Variants in LHFPL3 observed in about 807,000 individuals in gnomAD.
The protein encoded by LHFPL3 is LHFPL tetraspan subfamily member 3.
In LHFPL3, 5 loss-of-function variants were observed where a neutral mutation model predicts 19.3. The observed-to-expected ratio is 0.26, with a 90% CI of 0.14 to 0.54. The LOEUF is 0.54. Among genes scored for constraint, LHFPL3 ranks in the 20% least tolerant of loss-of-function variants. LHFPL3 has a pLI of 0.94. For missense variants in LHFPL3, 249 were observed against 307.4 expected, an observed-to-expected ratio of 0.81 and a Z score of 1.42; for synonymous variants, 133 against 126.2, an observed-to-expected ratio of 1.05 and a Z score of -0.36.
chr7:104,619,424 C>T (rs1791403561), intron 1 of LHFPL3, among the ~76,000 whole-genome samples: 1 of 151,984 alleles, frequency 6.6e-6, no homozygotes, highest in Admixed American at 6.6e-5. Context: ...ATTATAATCC[C>T]TTTTTCTTTT....
At chr7:104,891,822 A>G (rs1792251313) in intron 2 of LHFPL3, among the ~76,000 whole-genome samples, 1 of 152,240 alleles carries the variant, frequency 6.6e-6, no homozygotes, top group African/African-American at 2.4e-5. Context: ...GGCAACAAGA[A>G]TAATGAAAAG....
rs966022370 is a variant in LHFPL3, at chr7:104,607,498, C to A, written c.446-129177C>A. On this transcript the variant is annotated intron_variant, in intron 1 of 2. Coordinates refer to ENST00000424859, the MANE Select transcript of LHFPL3 (RefSeq NM_199000.3). Reference sequence around the variant, plus strand: ...GTCTACCAAAGGCTTTGCAAAGCCCCTTGTTTAATATTTCCTCTATAAGTC... The same window carrying A: ...GTCTACCAAAGGCTTTGCAAAGCCCATTGTTTAATATTTCCTCTATAAGTC... Among the ~76,000 whole-genome samples the A allele has an allele frequency of 2.0e-5, 3 of 152,174 alleles. No homozygotes were observed. In the East Asian group the frequency reaches 5.8e-4, roughly 29 times the overall value.
intron 2 of LHFPL3, among the ~76,000 whole-genome samples, chr7:104,888,114 T>TA (rs1324389400): frequency 6.6e-6 from 1 of 152,248 alleles, no homozygotes; most frequent in Non-Finnish European, 1.5e-5. Flanking sequence ...CATGTACACA[T>TA]ACATACATGC....
At chr7:104,881,288 C>G (rs1562824526) in intron 2 of LHFPL3, among the ~76,000 whole-genome samples, 1 of 151,912 alleles carries the variant, frequency 6.6e-6, no homozygotes, top group Non-Finnish European at 1.5e-5. Flanking sequence ...ATTCTTCAAT[C>G]TAGATGTCAT....
At chr7:104,355,977 A>G (rs576329820) in intron 1 of LHFPL3, among the ~76,000 whole-genome samples, 16 of 152,368 alleles carry the variant, frequency 1.1e-4, no homozygotes, top group African/African-American at 3.4e-4. Context: ...TTGATATAGT[A>G]CATTATACAG....
At chr7:104,614,128 C>G (rs563363007) in intron 1 of LHFPL3, among the ~76,000 whole-genome samples, 1 of 152,204 alleles carries the variant, frequency 6.6e-6, no homozygotes, top group South Asian at 2.1e-4. Context: ...AGTAAATCCT[C>G]TAAGAAAAGG....
chr7:104,668,592 C>G (rs1487748856), intron 1 of LHFPL3: 2 of 1,612,422 alleles, frequency 1.2e-6, no homozygotes, highest in Middle Eastern at 1.8e-4. Context: ...CAGTGGGTAT[C>G]GCAGGGATGA....
chr7:104,593,815 A>C (rs1790780625), intron 1 of LHFPL3, among the ~76,000 whole-genome samples: 1 of 151,978 alleles, frequency 6.6e-6, no homozygotes, highest in East Asian at 1.9e-4. Flanking sequence ...GTCTCTTTTG[A>C]ACCAACAAAG....
rs569132564 is a variant in LHFPL3, at chr7:104,870,833, C to T, written c.683-35354C>T. 2.6e-5 allele frequency among the ~76,000 whole-genome samples: 4 copies of T among 152,156 alleles called. No individual in the cohort carries two copies. In the South Asian group the frequency reaches 8.3e-4, roughly 32 times the overall value. ...AGGACGCAGCCACCCCAAAATCTGC[C>T]AGAGTAAAGGATGTATAGCATCCTC... On this transcript the variant is annotated intron_variant, in intron 2 of 2. Coordinates refer to ENST00000424859, the MANE Select transcript of LHFPL3 (RefSeq NM_199000.3).
intron 2 of LHFPL3, among the ~76,000 whole-genome samples, chr7:104,756,136 T>C (rs1461883683): frequency 6.6e-6 from 1 of 151,944 alleles, no homozygotes; most frequent in Non-Finnish European, 1.5e-5. Context: ...TTGGGGACAT[T>C]GAAAAACACA....
intron 2 of LHFPL3, among the ~76,000 whole-genome samples, chr7:104,873,785 CATG>C (rs1259983990): frequency 1.3e-5 from 2 of 152,206 alleles, no homozygotes; most frequent in Admixed American, 6.5e-5. Context: ...ACTGGCGTCT[CATG>C]ATGTTTGCCT....
At chr7:104,742,221 A>T (rs1432532926) in intron 2 of LHFPL3, among the ~76,000 whole-genome samples, 1 of 152,204 alleles carries the variant, frequency 6.6e-6, no homozygotes, top group African/African-American at 2.4e-5. Context: ...TTTCCTTGTC[A>T]GACACCATTC....
intron 2 of LHFPL3, among the ~76,000 whole-genome samples, chr7:104,864,487 A>G (rs1329493635): frequency 6.6e-6 from 1 of 152,180 alleles, no homozygotes; most frequent in Admixed American, 6.5e-5. Context: ...CCTGGCTTGG[A>G]GAGTCCTACG....
intron 2 of LHFPL3, chr7:104,803,915 AT>A (rs1790303946): frequency 6.6e-6 from 1 of 152,234 alleles, no homozygotes; most frequent in Non-Finnish European, 1.5e-5. Context: ...TGATAAATTA[AT>A]GTCAGGCTTC....
At chr7:104,805,604 G>C (rs1475863847) in intron 2 of LHFPL3, among the ~76,000 whole-genome samples, 1 of 152,160 alleles carries the variant, frequency 6.6e-6, no homozygotes, top group Non-Finnish European at 1.5e-5. Context: ...CAGCCCCATA[G>C]AGCCCAGACT....
In LHFPL3 at chr7:104,823,828, G is replaced by A. The variant is rs569550847; in HGVS notation, c.683-82359G>A. 5.9e-5 allele frequency among the ~76,000 whole-genome samples: 9 copies of A among 152,036 alleles called. No homozygotes were observed. The South Asian group carries it at 1.9e-3, about 32-fold the overall frequency. The stretch of plus-strand genomic sequence containing the variant: ...CTGGAAAAAAAGAGAAAGAGATATG[G>A]CTAATAAACTATTCAAAAAAGATTT... On this transcript the variant is annotated intron_variant, in intron 2 of 2. Coordinates refer to ENST00000424859, the MANE Select transcript of LHFPL3 (RefSeq NM_199000.3).
intron 2 of LHFPL3, among the ~76,000 whole-genome samples, chr7:104,850,057 G>C (rs10226913): frequency 0.32 from 48,893 of 152,070 alleles, 8,901 homozygotes; most frequent in East Asian, 0.55. Flanking sequence ...AATCCCAGCA[G>C]TTTGGGAGGC....
At chr7:104,670,249 A>G (rs774425906) in intron 1 of LHFPL3, among the ~76,000 whole-genome samples, 10 of 151,894 alleles carry the variant, frequency 6.6e-5, no homozygotes, top group South Asian at 2.1e-4. Context: ...GTTTGAAAGG[A>G]AGCTTTTGGG....
In LHFPL3 at chr7:104,429,301, C is replaced by CTTTTTT. The variant is rs71823474; in HGVS notation, c.445+100095_445+100100dup. ...ATTTCGGAATCTACCTATGTCATTC[C>CTTTTTT]TTTTTTTTTTTTTTTTTTTTTTTGA... is the stretch of plus-strand genomic sequence containing the variant. On this transcript the variant is annotated intron_variant, in intron 1 of 2. Coordinates refer to ENST00000424859, the MANE Select transcript of LHFPL3 (RefSeq NM_199000.3). Among the ~76,000 whole-genome samples the CTTTTTT allele has an allele frequency of 3.1e-4, 26 of 84,518 alleles. 1 individual carries two copies. Among genetic ancestry groups the CTTTTTT allele is most frequent in the East Asian group, 2.2e-3 (6 of 2,776 alleles). 55.4% of individuals were successfully genotyped at this position (84,518 alleles called of 152,430 possible). A position where few individuals can be genotyped will look rare whatever the true frequency, so the allele number is the denominator to read the frequency against.
Sources: allele counts gnomAD v4.1 joint callset (sites outside exome capture counted in the v4.1 genomes callset), GRCh38; gene constraint gnomAD v4.1.1; transcripts MANE v1.5; gene names NCBI Gene and HGNC (gene_info 2026-07-23, HGNC 2026-07-21).